OXSR1: variants seen among roughly 807,000 people sequenced by gnomAD.
The protein encoded by OXSR1 is serine/threonine-protein kinase OSR1.
A neutral mutation model predicts 79.8 loss-of-function variants in OXSR1; 24 were observed. That is an observed-to-expected ratio of 0.30 (90% CI 0.22 to 0.42). The LOEUF (loss-of-function observed/expected upper bound fraction) is 0.42, where lower values mean the gene tolerates loss of function less well. OXSR1 is among the 10% of genes least tolerant of loss of function. OXSR1 has a pLI of 1.00. For missense variants in OXSR1, 430 were observed against 618.4 expected (o/e 0.70, Z 3.23); for synonymous variants, 226 against 209.2 (o/e 1.08, Z -0.69).
At chr3:38,198,300 G>A (rs936678333) in intron 3 of OXSR1, among the ~76,000 whole-genome samples, 4 of 151,922 alleles carry the variant, frequency 2.6e-5, no homozygotes, top group Admixed American at 6.6e-5. Context: ...CAAGTATTTC[G>A]CTCCTGATTT....
chr3:38,193,302 A>T (rs1456442379), intron 3 of OXSR1: 1 of 1,289,590 alleles, frequency 7.8e-7, no homozygotes, highest in African/African-American at 1.5e-5. Context: ...GAGAAACTGG[A>T]TTGCTTTGTT....
At chr3:38,227,601 A>T (rs1393757366) in intron 8 of OXSR1, among the ~76,000 whole-genome samples, 1 of 152,000 alleles carries the variant, frequency 6.6e-6, no homozygotes, top group African/African-American at 2.4e-5. Flanking sequence ...GTACGTATAC[A>T]TATACATGAA....
intron 4 of OXSR1, among the ~76,000 whole-genome samples, chr3:38,206,457 C>T (rs1329805175): frequency 2.0e-5 from 3 of 148,098 alleles, no homozygotes; most frequent in African/African-American, 7.5e-5. Context: ...AACTGAATTT[C>T]TTTGTGCCTG....
At chr3:38,238,451 A>C (rs1170617226) in intron 11 of OXSR1, among the ~76,000 whole-genome samples, 1 of 152,010 alleles carries the variant, frequency 6.6e-6, no homozygotes, top group East Asian at 1.9e-4. Context: ...GTAGATCCAG[A>C]TTTCCATCTT....
intron 4 of OXSR1, among the ~76,000 whole-genome samples, chr3:38,215,744 A>G (rs1450393472): frequency 4.6e-5 from 7 of 152,180 alleles, no homozygotes; most frequent in Non-Finnish European, 7.4e-5. Flanking sequence ...TTTCAGTTGC[A>G]TACTGATGAT....
intron 1 of OXSR1, among the ~76,000 whole-genome samples, chr3:38,168,311 A>G (rs978097392): frequency 1.2e-4 from 18 of 152,152 alleles, no homozygotes; most frequent in Non-Finnish European, 2.5e-4. Context: ...GAATATTTCC[A>G]TCATCCCCGT....
chr3:38,191,256 G>A (rs993730504), intron 3 of OXSR1, among the ~76,000 whole-genome samples: 1 of 151,604 alleles, frequency 6.6e-6, no homozygotes, highest in African/African-American at 2.4e-5. Flanking sequence ...TTGGAGATGG[G>A]GTCTCACTAT....
chr3:38,194,600 G>A (rs1193022702), intron 3 of OXSR1, among the ~76,000 whole-genome samples: 2 of 152,088 alleles, frequency 1.3e-5, no homozygotes, highest in African/African-American at 4.8e-5. Flanking sequence ...GCTGGAGTTA[G>A]TACTGGGGAA....
chr3:38,252,601 C>G (rs1170298914), intron 17 of OXSR1, among the ~76,000 whole-genome samples: 4 of 152,142 alleles, frequency 2.6e-5, no homozygotes, highest in Admixed American at 6.6e-5. Flanking sequence ...CCCAGAGACC[C>G]TTGGCTATTC....
chr3:38,180,832 C>T lies in OXSR1; in HGVS notation c.71-2171C>T, dbSNP rs948901813. Among the ~76,000 whole-genome samples the T allele has an allele frequency of 8.5e-5, 13 of 152,238 alleles. No homozygotes were observed. The East Asian group carries it at 2.5e-3, about 29-fold the overall frequency. ...TATAGGCATGAGCCACTGTGCCTGGCTATAACTCTGACTACTTCCATTGTC... is the reference window on the plus strand; with the variant it reads ...TATAGGCATGAGCCACTGTGCCTGGTTATAACTCTGACTACTTCCATTGTC... On this transcript the variant is annotated intron_variant, in intron 1 of 17. Coordinates refer to ENST00000311806, the MANE Select transcript of OXSR1 (RefSeq NM_005109.3).
intron 2 of OXSR1, among the ~76,000 whole-genome samples, chr3:38,187,152 A>T (rs1362044792): frequency 6.6e-6 from 1 of 152,234 alleles, no homozygotes; most frequent in Non-Finnish European, 1.5e-5. Context: ...AGAGAGATAC[A>T]TTCTATCATT....
chr3:38,232,693 G>C (rs919771922), intron 10 of OXSR1, among the ~76,000 whole-genome samples: 1 of 152,178 alleles, frequency 6.6e-6, no homozygotes, highest in Non-Finnish European at 1.5e-5. Context: ...CTGCAGGGCA[G>C]AGGTTGTAGT....
intron 2 of OXSR1, among the ~76,000 whole-genome samples, chr3:38,186,310 TA>T (rs934889865): frequency 1.3e-5 from 2 of 152,218 alleles, no homozygotes; most frequent in African/African-American, 4.8e-5. Context: ...TAATACTTTT[TA>T]AAACATAACA....
chr3:38,225,626 A>G (rs945021076), intron 8 of OXSR1, among the ~76,000 whole-genome samples: 1 of 151,966 alleles, frequency 6.6e-6, no homozygotes, highest in Non-Finnish European at 1.5e-5. Flanking sequence ...CTTTTCTTTT[A>G]TCAAATTAGT....
At chr3:38,201,664 T>G in intron 4 of OXSR1, among the ~76,000 whole-genome samples, 1 of 151,364 alleles carries the variant, frequency 6.6e-6, no homozygotes, top group Non-Finnish European at 1.5e-5. Context: ...GAGCCGAGAT[T>G]GCGCCACTGC....
chr3:38,189,249 C>T (rs1701940219), intron 2 of OXSR1, among the ~76,000 whole-genome samples: 1 of 151,986 alleles, frequency 6.6e-6, no homozygotes, highest in African/African-American at 2.4e-5. Context: ...TTCCTTCATG[C>T]TGTTTCTCAG....
chr3:38,221,758 T>C, intron 6 of OXSR1, 71 bp downstream of exon 6: 1 of 843,804 alleles, frequency 1.2e-6, no homozygotes, highest in Non-Finnish European at 1.9e-6. Context: ...TTAATAGTGC[T>C]TGCTTTTCTT....
chr3:38,250,217 C>G, intron 15 of OXSR1, 199 bp downstream of exon 15: 1 of 544,058 alleles, frequency 1.8e-6, no homozygotes. Flanking sequence ...TATAATAATA[C>G]AAACAGTAAT....
chr3:38,248,447 G>A (rs566352135), intron 14 of OXSR1, among the ~76,000 whole-genome samples: 2 of 146,568 alleles, frequency 1.4e-5, no homozygotes, highest in African/African-American at 5.0e-5. Context: ...ACTCATAAAT[G>A]CATTTGAAAA....
Sources: allele counts gnomAD v4.1 joint callset (sites outside exome capture counted in the v4.1 genomes callset), GRCh38; gene constraint gnomAD v4.1.1; transcripts MANE v1.5; gene names NCBI Gene and HGNC (gene_info 2026-07-23, HGNC 2026-07-21).